MAD1L1: variants seen among roughly 807,000 people sequenced by gnomAD.
MAD1L1 encodes mitotic arrest deficient 1 like 1.
A neutral mutation model predicts 96.9 loss-of-function variants in MAD1L1; 95 were observed. The ratio of observed to expected loss-of-function variants is 0.98; its 90% CI spans 0.83 to 1.16. The LOEUF (loss-of-function observed/expected upper bound fraction) is 1.16, where lower values mean the gene tolerates loss of function less well. Ranked by LOEUF, MAD1L1 falls within the 50% of genes most tolerant of loss-of-function variation. The pLI is 0.00. For missense variants in MAD1L1, 1,007 were observed against 954.4 expected, an observed-to-expected ratio of 1.06 and a Z score of -0.73; for synonymous variants, 473 against 396.6, an observed-to-expected ratio of 1.19 and a Z score of -2.29.
intron 7 of MAD1L1, among the ~76,000 whole-genome samples, chr7:2,217,685 C>A (rs151276878): frequency 6.6e-6 from 1 of 152,234 alleles, no homozygotes; most frequent in Non-Finnish European, 1.5e-5. Flanking sequence ...CATCTTCTCA[C>A]GCTCATCAGC....
intron 10 of MAD1L1, among the ~76,000 whole-genome samples, chr7:2,193,936 ATTTT>A (rs35067993): frequency 2.4e-5 from 2 of 82,800 alleles, no homozygotes; most frequent in South Asian, 4.9e-4. Flanking sequence ...CTCTGCATGG[ATTTT>A]TTTTTTTTTT....
chr7:1,866,029 T>TG (rs1784762787), intron 18 of MAD1L1, among the ~76,000 whole-genome samples: 1 of 152,234 alleles, frequency 6.6e-6, no homozygotes, highest in African/African-American at 2.4e-5. Flanking sequence ...AGAACCATGC[T>TG]GGTTTTGAAG....
intron 14 of MAD1L1, among the ~76,000 whole-genome samples, chr7:1,992,501 G>A (rs1379678837): frequency 1.3e-5 from 2 of 152,246 alleles, no homozygotes; most frequent in Non-Finnish European, 2.9e-5. Flanking sequence ...CTGAGCACCT[G>A]CCCTGGGATG....
chr7:1,887,589 GAC>G (rs1204620525), intron 18 of MAD1L1, among the ~76,000 whole-genome samples: 2 of 150,404 alleles, frequency 1.3e-5, no homozygotes, highest in Admixed American at 6.6e-5. Context: ...CTGTGTGTGT[GAC>G]CATGCATGCG....
At chr7:2,048,012 C>T (rs932765954) in intron 12 of MAD1L1, among the ~76,000 whole-genome samples, 11 of 152,166 alleles carry the variant, frequency 7.2e-5, no homozygotes, top group East Asian at 1.9e-4. Flanking sequence ...AACATACATG[C>T]GCACACAAGT....
intron 18 of MAD1L1, chr7:1,849,017 C>G (rs1033600512): frequency 3.2e-5 from 5 of 154,552 alleles, no homozygotes; most frequent in African/African-American, 7.2e-5. Flanking sequence ...ATGTAGTTCT[C>G]CAGCCTGTTT....
At chr7:1,932,967 C>T (rs1212256995) in intron 17 of MAD1L1, among the ~76,000 whole-genome samples, 1 of 152,212 alleles carries the variant, frequency 6.6e-6, no homozygotes, top group African/African-American at 2.4e-5. Context: ...TTTGCCTTCC[C>T]CCTGCTCACT....
At chr7:2,158,942 C>T (rs1382432554) in intron 10 of MAD1L1, among the ~76,000 whole-genome samples, 1 of 150,534 alleles carries the variant, frequency 6.6e-6, no homozygotes, top group Non-Finnish European at 1.5e-5. Context: ...TCAGAGGAAC[C>T]CCAAGTCAGG....
intron 18 of MAD1L1, among the ~76,000 whole-genome samples, chr7:1,880,017 A>C (rs1785597274): frequency 6.6e-6 from 1 of 152,178 alleles, no homozygotes; most frequent in Admixed American, 6.5e-5. Context: ...GGTGTGAGCC[A>C]CTTCGCCTGG....
intron 10 of MAD1L1, among the ~76,000 whole-genome samples, chr7:2,212,414 A>G (rs1005297186): frequency 6.6e-6 from 1 of 152,134 alleles, no homozygotes; most frequent in Non-Finnish European, 1.5e-5. Context: ...CCCATGCCTC[A>G]TGTTGAATTG....
chr7:2,187,209 C>T (rs923308878), intron 10 of MAD1L1, among the ~76,000 whole-genome samples: 1 of 151,974 alleles, frequency 6.6e-6, no homozygotes, highest in African/African-American at 2.4e-5. Context: ...ATTAGCCAGG[C>T]ATGGTGGCGT....
intron 17 of MAD1L1, among the ~76,000 whole-genome samples, chr7:1,902,701 G>A (rs992550486): frequency 2.0e-5 from 3 of 152,248 alleles, no homozygotes; most frequent in African/African-American, 4.8e-5. Context: ...CTCCAGCCTC[G>A]CTGTACGTCC....
At chr7:1,893,490 G>A (rs977869473) in intron 18 of MAD1L1, among the ~76,000 whole-genome samples, 3 of 152,152 alleles carry the variant, frequency 2.0e-5, no homozygotes, top group African/African-American at 7.2e-5. Context: ...GGTTTGGCGA[G>A]ATCTTTCAGG....
At chr7:1,986,464 C>T (rs897821720) in intron 14 of MAD1L1, among the ~76,000 whole-genome samples, 2 of 152,128 alleles carry the variant, frequency 1.3e-5, no homozygotes, top group African/African-American at 4.8e-5. Context: ...AGGGCTCACG[C>T]CGGCAAGGGA....
intron 12 of MAD1L1, among the ~76,000 whole-genome samples, chr7:2,039,278 C>A (rs372232656): frequency 1.3e-5 from 2 of 152,240 alleles, no homozygotes; most frequent in South Asian, 4.1e-4. Context: ...CGAAGGACAT[C>A]AGAATTCTTT....
At chr7:1,840,665 G>A (rs1251877762) in intron 18 of MAD1L1, among the ~76,000 whole-genome samples, 2 of 152,336 alleles carry the variant, frequency 1.3e-5, no homozygotes, top group Non-Finnish European at 2.9e-5. Flanking sequence ...GGAGGCAGAG[G>A]TTGCAGTGAG....
At chr7:2,078,728 C>A (rs982434433) in intron 11 of MAD1L1, among the ~76,000 whole-genome samples, 1 of 152,212 alleles carries the variant, frequency 6.6e-6, no homozygotes, top group Non-Finnish European at 1.5e-5. Flanking sequence ...AGCAGCGCCA[C>A]CCCCACCCCA....
chr7:2,033,104 C>T (rs1301498591), intron 12 of MAD1L1, among the ~76,000 whole-genome samples: 1 of 152,256 alleles, frequency 6.6e-6, no homozygotes, highest in Admixed American at 6.5e-5. Flanking sequence ...CGAGAGCTCA[C>T]GCTCCCAGCC....
chr7:2,082,513 T>C (rs1263802723), intron 11 of MAD1L1, among the ~76,000 whole-genome samples: 1 of 152,148 alleles, frequency 6.6e-6, no homozygotes, highest in Non-Finnish European at 1.5e-5. Flanking sequence ...CCGTGAGGCA[T>C]GGAGCTGGGC....
Sources: allele counts gnomAD v4.1 joint callset (sites outside exome capture counted in the v4.1 genomes callset), GRCh38; gene constraint gnomAD v4.1.1; transcripts MANE v1.5; gene names NCBI Gene and HGNC (gene_info 2026-07-23, HGNC 2026-07-21).